The following PIF1 variants were observed in gnomAD, a reference collection of about 807,000 sequenced individuals.
PIF1 encodes the protein PIF1 5'-to-3' DNA helicase.
A neutral mutation model predicts 62.3 loss-of-function variants in PIF1; 67 were observed. The observed-to-expected ratio is 1.08, with a 90% CI of 0.88 to 1.32. The LOEUF (loss-of-function observed/expected upper bound fraction) is 1.32, where lower values mean the gene tolerates loss of function less well. Among genes scored for constraint, PIF1 ranks in the 40% most tolerant of loss-of-function variants. PIF1 has a pLI of 0.00. For missense variants in PIF1, 886 were observed against 866.1 expected, an observed-to-expected ratio of 1.02 and a Z score of -0.29; for synonymous variants, 364 against 379.5, an observed-to-expected ratio of 0.96 and a Z score of 0.47.
chr15:64,816,615 G>A lies in PIF1; in HGVS notation c.1825C>T (p.His609Tyr), dbSNP rs769887891. ...CCCCGCCGCAGGGTGGCATAGAAGT[G>A]CAGCACACGGGGGTCACAGCGAACC... The part of the protein sequence containing the change: ...MAVRCDPRVL[H>Y]FYATLRRGRS... Residue 609 changes from histidine to tyrosine, a missense_variant, in exon 12 of 13, where the codon CAC becomes TAC. His to Tyr is a moderately conservative substitution (Grantham distance 83). Transcript: ENST00000559239. 2 of 1,613,930 alleles carry A rather than the reference G, an allele frequency of 1.2e-6. No homozygotes were observed. Among genetic ancestry groups the A allele is most frequent in the African/African-American group, 2.7e-5 (2 of 74,938 alleles).
intron 4 of PIF1, chr15:64,821,914 G>C: frequency 7.1e-6 from 2 of 280,058 alleles, no homozygotes; most frequent in South Asian, 9.7e-5. Flanking sequence ...TAATTTTTTT[G>C]TATTTTTAGT....
upstream of PIF1, among the ~76,000 whole-genome samples, chr15:64,826,987 C>A (rs977813561): frequency 6.6e-6 from 1 of 151,916 alleles, no homozygotes; most frequent in African/African-American, 2.4e-5. Context: ...ATTACCTGCT[C>A]GCTTAATCAC....
chr15:64,821,727 A>C, intron 4 of PIF1: 1 of 535,594 alleles, frequency 1.9e-6, no homozygotes, highest in African/African-American at 2.0e-5. Context: ...ACACACCACC[A>C]TGCTCAGCTA....
At chr15:64,821,338 C>T (rs760116576) in intron 5 of PIF1, 29 bp downstream of exon 5, 3 of 1,613,842 alleles carry the variant, frequency 1.9e-6, no homozygotes, top group Non-Finnish European at 2.5e-6. Context: ...GGTCCCAGTT[C>T]TCACCTGCTG....
intron 8 of PIF1, 55 bp downstream of exon 8, chr15:64,819,792 C>T (rs2084257475): frequency 1.2e-6 from 2 of 1,604,046 alleles, no homozygotes; most frequent in Non-Finnish European, 1.7e-6. Context: ...CTGGGGGCTA[C>T]ATCTGCTTAT....
chr15:64,821,521 C>T lies in PIF1; in HGVS notation c.818-1G>A. 1 of 1,593,504 alleles carries T rather than the reference C, an allele frequency of 6.3e-7. No homozygotes were observed. Among genetic ancestry groups the T allele is most frequent in the Middle Eastern group, 1.7e-4 (1 of 5,940 alleles). ...AGAGGAGCCTGGCCTGAGCCGATGC[C>T]TGTGAGTGACACTATTCAGCCTGGG... On this transcript the variant is annotated splice_acceptor_variant, in intron 4 of 12. Transcript: ENST00000559239. LOFTEE classifies it high-confidence loss of function.
intron 4 of PIF1, 109 bp downstream of exon 4, chr15:64,822,157 G>A (rs1260738280): frequency 6.9e-7 from 1 of 1,443,986 alleles, no homozygotes; most frequent in Non-Finnish European, 9.4e-7. Flanking sequence ...TTACAAGAGT[G>A]AGCCACGGCG....
In PIF1 at chr15:64,823,947, G is replaced by T. The variant is rs748972052; in HGVS notation, c.389C>A (p.Pro130His). Residue 130 changes from proline (P) to histidine (H), a missense_variant, in exon 2 of 13, where the codon CCC (proline) becomes CAC (histidine). By Grantham distance (77) the Pro-to-His change is moderately conservative. Coordinates refer to ENST00000559239, the MANE Select transcript of PIF1 (RefSeq NM_001286496.2). The part of the protein sequence containing the change: ...LRLKLAAAPG[P>H]GPASARAQLL... ...CTGCGCTCGGGCGGAGGCCGGCCCG[G>T]GACCCGGGGCCGCAGCCAGCTTGAG... 95 of 1,309,788 alleles carry T rather than the reference G, an allele frequency of 7.3e-5. No homozygotes were observed. The highest frequency in any genetic ancestry group is 9.1e-5 in the Non-Finnish European group (93 of 1,026,262). 81.1% of individuals were successfully genotyped at this position (1,309,788 alleles called of 1,614,324 possible).
chr15:64,818,357 G>A lies in PIF1; in HGVS notation c.1441-13C>T, dbSNP rs779127626. On this transcript the variant is annotated splice_polypyrimidine_tract_variant and intron_variant, in intron 9 of 12. Coordinates refer to ENST00000559239, the MANE Select transcript of PIF1 (RefSeq NM_001286496.2). ...TCACCAGCATCACCTGCAAGGGAGAGAGAGGAATGGACAGCAGCCCCCCTA... is the reference window on the plus strand; with the variant it reads ...TCACCAGCATCACCTGCAAGGGAGAAAGAGGAATGGACAGCAGCCCCCCTA... 1.2e-6 allele frequency: 2 copies of A among 1,613,492 alleles called. No individual in the cohort carries two copies. The highest frequency in any genetic ancestry group is 2.2e-5 in the East Asian group (1 of 44,862).
chr15:64,816,964 AG>A (rs1326856880), intron 11 of PIF1, among the ~76,000 whole-genome samples, 199 bp from the exon 12 acceptor site: 1 of 152,136 alleles, frequency 6.6e-6, no homozygotes, highest in African/African-American at 2.4e-5. Flanking sequence ...GTAAGAGTTG[AG>A]GGATGGAGTG....
intron 10 of PIF1, 58 bp from the exon 11 acceptor site, chr15:64,818,149 A>C: frequency 1.2e-6 from 2 of 1,611,654 alleles, no homozygotes; most frequent in Non-Finnish European, 1.7e-6. Context: ...TGAGGTGAGG[A>C]GCAGGGGCCT....
Position 64,816,304 on chromosome 15 carries a change from G to A in PIF1, c.1920C>T (p.Ile640=). 1.2e-6 allele frequency: 2 copies of A among 1,614,042 alleles called. No individual in the cohort carries two copies. The highest frequency in any genetic ancestry group is 2.7e-5 in the African/African-American group (2 of 75,034). ...AASDQENMDP[I]L is the part of the protein sequence containing the mutation. ...TTCTCTTTGTGGGTGAGGCTCAGAGGATTGGGTCCATGTTCTCCTGGTCTG... is the reference window on the plus strand; with the variant it reads ...TTCTCTTTGTGGGTGAGGCTCAGAGAATTGGGTCCATGTTCTCCTGGTCTG... The change falls in exon 13 of 13, where the codon ATC becomes ATT. Residue 640 remains isoleucine, a synonymous_variant. Coordinates refer to ENST00000559239, the MANE Select transcript of PIF1 (RefSeq NM_001286496.2).
intron 2 of PIF1, 22 bp from the exon 3 acceptor site, chr15:64,822,632 C>T (rs1307364947): frequency 5.0e-6 from 8 of 1,612,818 alleles, no homozygotes; most frequent in African/African-American, 1.3e-5. Flanking sequence ...AGAGCTATCT[C>T]AGAGCATCCT....
chr15:64,822,693 G>T (rs542593454), intron 2 of PIF1, 83 bp from the exon 3 acceptor site: 3 of 1,577,568 alleles, frequency 1.9e-6, no homozygotes, highest in Non-Finnish European at 1.7e-6. Context: ...TGCAATGCTG[G>T]GCCTGGTAAC....
At chr15:64,816,901 G>T in intron 11 of PIF1, 136 bp from the exon 12 acceptor site, 1 of 769,356 alleles carries the variant, frequency 1.3e-6, no homozygotes, top group Non-Finnish European at 2.0e-6. Flanking sequence ...CAGAGGGAGA[G>T]CATGACAGCA....
At chr15:64,825,399 C>T (rs937042395) in intron 1 of PIF1, among the ~76,000 whole-genome samples, 170 bp downstream of exon 1, 5 of 152,126 alleles carry the variant, frequency 3.3e-5, no homozygotes, top group African/African-American at 1.2e-4. Context: ...AGTGTGATTC[C>T]CATGCCCTCG....
chr15:64,817,138 A>AAT (rs2084197492), intron 11 of PIF1, among the ~76,000 whole-genome samples: 1 of 151,980 alleles, frequency 6.6e-6, no homozygotes, highest in Non-Finnish European at 1.5e-5. Flanking sequence ...GGTTGTATAC[A>AAT]ATTTATACAA....
chr15:64,816,316 G>A lies in PIF1; in HGVS notation c.1908C>T (p.Asn636=). 6.2e-7 allele frequency: 1 copy of A among 1,614,062 alleles called. No homozygotes were observed. The highest frequency in any genetic ancestry group is 8.5e-7 in the Non-Finnish European group (1 of 1,180,008). Reference sequence around the variant, plus strand: ...GTGAGGCTCAGAGGATTGGGTCCATGTTCTCCTGGTCTGAGGCTGCCTCAT... The same window carrying A: ...GTGAGGCTCAGAGGATTGGGTCCATATTCTCCTGGTCTGAGGCTGCCTCAT... ...DDDEAASDQE[N]MDPIL is the part of the protein sequence containing the mutation. Residue 636 remains asparagine (N), a synonymous_variant, in exon 13 of 13, where the codon AAC becomes AAT. Transcript: ENST00000559239.
chr15:64,816,966 G>C (rs115076855), intron 11 of PIF1, among the ~76,000 whole-genome samples: 1 of 152,186 alleles, frequency 6.6e-6, no homozygotes, highest in African/African-American at 2.4e-5. Context: ...AAGAGTTGAG[G>C]GATGGAGTGA....
Sources: gnomAD v4.1 joint callset for allele counts (sites outside exome capture counted in the v4.1 genomes callset) on GRCh38, gnomAD v4.1.1 for gene constraint, MANE v1.5 for transcripts, NCBI Gene and HGNC (gene_info 2026-07-23, HGNC 2026-07-21) for gene names.